The following AURKA variants were observed in gnomAD, a reference collection of about 807,000 sequenced individuals.
AURKA encodes the protein aurora 2.
In AURKA, 12 loss-of-function variants were observed where a neutral mutation model predicts 40.9. That is an observed-to-expected ratio of 0.29 (90% CI 0.19 to 0.48). AURKA has a LOEUF of 0.48. Ranked by LOEUF, AURKA falls within the 20% of genes least tolerant of loss-of-function variation. The pLI is 0.99. For synonymous variants in AURKA, 170 were observed against 164.3 expected (o/e 1.03, Z -0.26); for missense variants, 322 against 462.1 (o/e 0.70, Z 2.78).
chr20:56,386,194 A>G, intron 3 of AURKA, 63 bp downstream of exon 3: 4 of 1,594,684 alleles, frequency 2.5e-6, no homozygotes, highest in Non-Finnish European at 3.4e-6. Flanking sequence ...AAGTATATAC[A>G]CTGGCTTTTT....
intron 6 of AURKA, among the ~76,000 whole-genome samples, chr20:56,377,934 G>A (rs62209411): frequency 2.0e-5 from 3 of 152,194 alleles, no homozygotes; most frequent in African/African-American, 7.2e-5. Context: ...AATATTTTGG[G>A]AGGCATGAAT....
At chr20:56,391,358 GA>G in intron 1 of AURKA, among the ~76,000 whole-genome samples, 1 of 152,384 alleles carries the variant, frequency 6.6e-6, no homozygotes, top group South Asian at 2.1e-4. Context: ...ATGGTTCTTA[GA>G]AATGGAGACT....
intron 1 of AURKA, among the ~76,000 whole-genome samples, chr20:56,389,080 A>G (rs992386372): frequency 3.3e-5 from 5 of 152,114 alleles, no homozygotes; most frequent in African/African-American, 1.2e-4. Context: ...AAGGTTGATC[A>G]CATCTTACAC....
At position 56,375,355 on chromosome 20, in the gene AURKA, C is replaced by T. The variant is rs184834115; in HGVS notation, c.706-1799G>A. ...AGAGACAGTCTCCCCATGTTGCCTACGCTGGTCGCTAATTCCTGACCTCAA... is the reference window on the plus strand; with the variant it reads ...AGAGACAGTCTCCCCATGTTGCCTATGCTGGTCGCTAATTCCTGACCTCAA... On this transcript the variant is annotated intron_variant, in intron 6 of 8. Coordinates refer to ENST00000395915, the MANE Select transcript of AURKA (RefSeq NM_198437.3). Among the ~76,000 whole-genome samples, 129 of 143,568 alleles carry T rather than the reference C, an allele frequency of 9.0e-4. No individual in the cohort carries two copies. In the East Asian group the frequency reaches 0.019, roughly 21 times the overall value. 94.2% of individuals were successfully genotyped at this position (143,568 alleles called of 152,430 possible).
At chr20:56,381,934 G>A (rs1328277955) in intron 5 of AURKA, among the ~76,000 whole-genome samples, 3 of 152,116 alleles carry the variant, frequency 2.0e-5, no homozygotes, top group African/African-American at 7.2e-5. Context: ...GGGAGGCCGA[G>A]GCGGGAGGAT....
rs181210791 is a variant in AURKA at position 56,390,019 on chromosome 20, A to G, written c.-5-1817T>C. ...TCTTAACACTGAGGCCGGCAATCTC[A>G]TTAACAAATCAGATGTGTTGATCCT... is the stretch of plus-strand genomic sequence containing the variant. On this transcript the variant is annotated intron_variant, in intron 1 of 8. Transcript: ENST00000395915. 2.4e-3 allele frequency among the ~76,000 whole-genome samples: 362 copies of G among 152,282 alleles called. 3 individuals carry two copies. The highest frequency in any genetic ancestry group is 8.2e-3 in the African/African-American group (339 of 41,552).
At chr20:56,379,980 A>G (rs1410858346) in intron 6 of AURKA, among the ~76,000 whole-genome samples, 1 of 150,842 alleles carries the variant, frequency 6.6e-6, no homozygotes. Context: ...GAAAAAAAAA[A>G]AAAGGAAGTG....
rs1403015234 is a variant in AURKA, at chr20:56,369,672, A to C, written c.*486T>G. 3.0e-6 allele frequency: 1 copy of C among 337,116 alleles called. No individual in the cohort carries two copies. The highest frequency in any genetic ancestry group is 2.0e-5 in the African/African-American group (1 of 49,490). The allele number at this position is 337,116 out of a possible 1,614,324, so 20.9% of individuals were successfully genotyped here. A position where few individuals can be genotyped will look rare whatever the true frequency, so the allele number is the denominator to read the frequency against. On this transcript the variant is annotated 3_prime_UTR_variant, in exon 9 of 9. Transcript: ENST00000395915. ...CCAGAGAAAAAATACAAGTCTGTACATATATCTTTATTTTCATACTTAAAA... is the reference window on the plus strand; with the variant it reads ...CCAGAGAAAAAATACAAGTCTGTACCTATATCTTTATTTTCATACTTAAAA...
chr20:56,378,349 A>T (rs911171158), intron 6 of AURKA, among the ~76,000 whole-genome samples: 1 of 152,202 alleles, frequency 6.6e-6, no homozygotes, highest in Non-Finnish European at 1.5e-5. Flanking sequence ...CCTTTGTCTT[A>T]TAGACTCCAC....
At chr20:56,378,423 C>G (rs746163010) in intron 6 of AURKA, among the ~76,000 whole-genome samples, 2 of 152,172 alleles carry the variant, frequency 1.3e-5, no homozygotes, top group Non-Finnish European at 2.9e-5. Context: ...TGATTTCCTA[C>G]ATTTGTAATG....
rs2146122106 is a variant in AURKA, at chr20:56,370,328, A to C, written c.1042T>G (p.Phe348Val). 1 of 1,614,204 alleles carries C rather than the reference A, an allele frequency of 6.2e-7. No homozygotes were observed. The highest frequency in any genetic ancestry group is 8.5e-7 in the Non-Finnish European group (1 of 1,180,020). The change falls in exon 9 of 9, where the codon TTC becomes GTC. Residue 348 changes from phenylalanine to valine, a missense_variant. Coordinates refer to ENST00000395915, the MANE Select transcript of AURKA (RefSeq NM_198437.3). ...GCTCCCTCTGTTACAAAGTCAGGGA[A>C]TGTGAATTCAACCTGGAGTACAACA... ...YKRISRVEFT[F>V]PDFVTEGARD...
intron 2 of AURKA, among the ~76,000 whole-genome samples, chr20:56,387,679 C>T (rs1986537878): frequency 6.6e-6 from 1 of 152,168 alleles, no homozygotes; most frequent in Non-Finnish European, 1.5e-5. Flanking sequence ...GTTAAGACTT[C>T]CAAATACAAA....
chr20:56,384,897 G>C (rs1569081825), intron 3 of AURKA, among the ~76,000 whole-genome samples: 1 of 152,146 alleles, frequency 6.6e-6, no homozygotes. Context: ...AAGGACATAT[G>C]AAACATTTCC....
chr20:56,370,656 C>T lies in AURKA; in HGVS notation c.858G>A (p.Arg286=). 6.2e-7 allele frequency: 1 copy of T among 1,614,160 alleles called. No homozygotes were observed. Among genetic ancestry groups the T allele is most frequent in the Non-Finnish European group, 8.5e-7 (1 of 1,180,032 alleles). Residue 286 remains arginine (R), a synonymous_variant, in exon 8 of 9, where the codon AGG becomes AGA. Coordinates refer to ENST00000395915, the MANE Select transcript of AURKA (RefSeq NM_198437.3). The stretch of plus-strand genomic sequence containing the variant: ...AGTCCAGGGTGCCACAGAGAGTGGT[C>T]CTCCTGAAAACGGAGGGAGGCTCAG... ...GWSVHAPSSR[R]TTLCGTLDYL...
chr20:56,389,310 C>A (rs1465585104), intron 1 of AURKA, among the ~76,000 whole-genome samples: 1 of 152,158 alleles, frequency 6.6e-6, no homozygotes, highest in Admixed American at 6.5e-5. Flanking sequence ...AGTGCGTCTT[C>A]TGCCCTAGTC....
chr20:56,381,664 G>T, intron 5 of AURKA, 93 bp from the exon 6 acceptor site: 1 of 1,519,006 alleles, frequency 6.6e-7, no homozygotes, highest in Non-Finnish European at 9.0e-7. Flanking sequence ...TAAAACCAGT[G>T]GTGTTTCACA....
At chr20:56,384,594 C>T (rs181434535) in intron 3 of AURKA, among the ~76,000 whole-genome samples, 142 of 152,224 alleles carry the variant, frequency 9.3e-4, no homozygotes, top group Non-Finnish European at 1.9e-3. Flanking sequence ...GCAGACTATG[C>T]AGGCTCTTCT....
Position 56,384,449 on chromosome 20 carries a change from GTT to G in AURKA, c.320-127_320-126del, listed in dbSNP as rs55796874. The G allele has an allele frequency of 9.8e-3, 5,596 of 568,546 alleles. 61 individuals carry two copies. Among genetic ancestry groups the G allele is most frequent in the African/African-American group, 0.031 (1,543 of 50,260 alleles). 35.2% of individuals were successfully genotyped at this position (568,546 alleles called of 1,614,324 possible). Reference sequence around the variant, plus strand: ...ATGGTATGTCAAGAATGATAAATCTGTTTTTTTTTTTTAAAGTTTTCCTTATA... The same window carrying G: ...ATGGTATGTCAAGAATGATAAATCTGTTTTTTTTTTAAAGTTTTCCTTATA... On this transcript the variant is annotated intron_variant, in intron 3 of 8. Transcript: ENST00000395915.
rs112535545 is a variant in AURKA, at chr20:56,379,506, T to C, written c.705+1927A>G. ...GCTGTGTCAGCTGAAAGCCTAAAAG[T>C]AGTGACACCATAGTAGCAATGAGTA... On this transcript the variant is annotated intron_variant, in intron 6 of 8. Coordinates refer to ENST00000395915, the MANE Select transcript of AURKA (RefSeq NM_198437.3). Among the ~76,000 whole-genome samples, 793 of 152,304 alleles carry C rather than the reference T, an allele frequency of 5.2e-3. 5 individuals carry two copies. The highest frequency in any genetic ancestry group is 7.9e-3 in the Non-Finnish European group (538 of 68,036).
Sources: gnomAD v4.1 joint callset for allele counts (sites outside exome capture counted in the v4.1 genomes callset) on GRCh38, gnomAD v4.1.1 for gene constraint, MANE v1.5 for transcripts, NCBI Gene and HGNC (gene_info 2026-07-23, HGNC 2026-07-21) for gene names.